The following ZNF407 variants were observed in gnomAD, a reference collection of about 807,000 sequenced individuals.
ZNF407 encodes the protein zinc finger protein 407.
In ZNF407, 17 loss-of-function variants were observed where a neutral mutation model predicts 131.2. The observed-to-expected ratio is 0.13, with a 90% CI of 0.09 to 0.19. The LOEUF (loss-of-function observed/expected upper bound fraction) is 0.19. Among genes scored for constraint, ZNF407 ranks in the 10% least tolerant of loss-of-function variants. The probability of loss-of-function intolerance (pLI) is 1.00; values close to 1 mark genes in which losing one functional copy is unlikely to be tolerated. For synonymous variants in ZNF407, 1,156 were observed against 1,062.0 expected (o/e 1.09, Z -1.72); for missense variants, 2,681 against 2,830.6 (o/e 0.95, Z 1.20).
chr18:74,611,081 A>G (rs1983038693), intron 1 of ZNF407, among the ~76,000 whole-genome samples: 1 of 152,218 alleles, frequency 6.6e-6, no homozygotes, highest in Non-Finnish European at 1.5e-5. Flanking sequence ...CAAACAGGAA[A>G]CTTCCTGAGG....
intron 4 of ZNF407, among the ~76,000 whole-genome samples, chr18:74,871,158 G>A (rs4891198): frequency 5.3e-5 from 8 of 152,206 alleles, no homozygotes; most frequent in African/African-American, 1.7e-4. Flanking sequence ...GTGGCCGGTC[G>A]GCAGTGCTCG....
intron 4 of ZNF407, among the ~76,000 whole-genome samples, chr18:74,821,041 G>A (rs1341572605): frequency 6.6e-6 from 1 of 152,070 alleles, no homozygotes; most frequent in Non-Finnish European, 1.5e-5. Flanking sequence ...AGATTGGGCA[G>A]GGACATCATC....
chr18:74,842,162 T>G (rs921082707), intron 4 of ZNF407, among the ~76,000 whole-genome samples: 9 of 152,180 alleles, frequency 5.9e-5, no homozygotes, highest in African/African-American at 2.2e-4. Context: ...GGCTGTAGGC[T>G]CTTTCAGATC....
intron 8 of ZNF407, among the ~76,000 whole-genome samples, chr18:75,052,123 T>C (rs895556813): frequency 3.9e-5 from 6 of 152,232 alleles, no homozygotes; most frequent in Admixed American, 3.9e-4. Context: ...TACGTGTGCA[T>C]GTCCACGAAG....
chr18:74,975,515 TA>T (rs1289507763), intron 8 of ZNF407, among the ~76,000 whole-genome samples: 3 of 152,204 alleles, frequency 2.0e-5, no homozygotes, highest in African/African-American at 7.2e-5. Flanking sequence ...CTTTGGGGAT[TA>T]AAAAACTAGC....
At chr18:74,773,032 G>T (rs560219141) in intron 3 of ZNF407, among the ~76,000 whole-genome samples, 2 of 152,252 alleles carry the variant, frequency 1.3e-5, no homozygotes, top group African/African-American at 4.8e-5. Flanking sequence ...AATGTTGGAC[G>T]TGCTTTACAA....
In ZNF407 at chr18:74,635,759, C is replaced by A. The variant is rs1487910038; in HGVS notation, c.4687+53C>A. On this transcript the variant is annotated intron_variant, in intron 2 of 8. Transcript: ENST00000299687. This position sits in a 1 kb window ranked among gnomAD's most constrained non-coding sequence, Gnocchi z 4.7. ...AGTGAGGACATGGGGCCATTTGTTC[C>A]CATCCAGATATGCAGCCCTACCTGT... The A allele has an allele frequency of 6.6e-7, 1 of 1,523,088 alleles. No homozygotes were observed. The highest frequency in any genetic ancestry group is 8.8e-7 in the Non-Finnish European group (1 of 1,137,874). The allele number at this position is 1,523,088 out of a possible 1,614,324, so 94.3% of individuals were successfully genotyped here.
chr18:74,623,447 G>A (rs1245683297), intron 1 of ZNF407, among the ~76,000 whole-genome samples: 1 of 152,190 alleles, frequency 6.6e-6, no homozygotes. Flanking sequence ...AGGGAGAAAG[G>A]CAGAGAGAGA....
At chr18:74,818,031 T>A (rs77623704) in intron 4 of ZNF407, among the ~76,000 whole-genome samples, 4,413 of 152,328 alleles carry the variant, frequency 0.029, 195 homozygotes, top group African/African-American at 0.099. Context: ...TTTTGAAGTA[T>A]ACAAAGTAAA....
chr18:74,874,589 C>T (rs1971130684), intron 4 of ZNF407, among the ~76,000 whole-genome samples: 1 of 152,170 alleles, frequency 6.6e-6, no homozygotes, highest in East Asian at 1.9e-4. Flanking sequence ...CGGGACTGTG[C>T]ATCTCCCGTC....
At chr18:74,883,007 G>A (rs556080120) in intron 6 of ZNF407, among the ~76,000 whole-genome samples, 21 of 152,330 alleles carry the variant, frequency 1.4e-4, no homozygotes, top group East Asian at 3.9e-4. Context: ...AGTGCCCATC[G>A]AAGTGGAGAC....
chr18:74,856,633 A>G (rs1487721249), intron 4 of ZNF407, among the ~76,000 whole-genome samples: 1 of 152,144 alleles, frequency 6.6e-6, no homozygotes, highest in Non-Finnish European at 1.5e-5. Flanking sequence ...GCCATTTGCT[A>G]CTATTGCCCT....
At chr18:74,865,303 G>T (rs1352955819) in intron 4 of ZNF407, among the ~76,000 whole-genome samples, 1 of 152,198 alleles carries the variant, frequency 6.6e-6, no homozygotes, top group Non-Finnish European at 1.5e-5. Context: ...GTAAACAGTT[G>T]TGTGGTTTTG....
At chr18:74,836,342 T>A (rs1430427583) in intron 4 of ZNF407, among the ~76,000 whole-genome samples, 1 of 152,186 alleles carries the variant, frequency 6.6e-6, no homozygotes, top group African/African-American at 2.4e-5. Flanking sequence ...AAAATCCCCC[T>A]ACCTTCTGTA....
intron 4 of ZNF407, among the ~76,000 whole-genome samples, chr18:74,862,130 T>C (rs934904573): frequency 6.6e-6 from 1 of 152,276 alleles, no homozygotes; most frequent in African/African-American, 2.4e-5. Context: ...GTTATTAAAA[T>C]CTTCATTTTG....
At chr18:74,794,807 T>C (rs1969889446) in intron 4 of ZNF407, among the ~76,000 whole-genome samples, 1 of 152,144 alleles carries the variant, frequency 6.6e-6, no homozygotes, top group African/African-American at 2.4e-5. Context: ...TTTGGTAGAG[T>C]TGCATACGAT....
intron 3 of ZNF407, among the ~76,000 whole-genome samples, chr18:74,726,595 T>C (rs1968164417): frequency 6.6e-6 from 1 of 152,236 alleles, no homozygotes; most frequent in Non-Finnish European, 1.5e-5. Flanking sequence ...ACATGCCTTG[T>C]TTTGCTACCA....
Position 74,626,148 on chromosome 18 carries a change from G to C in ZNF407, c.-53-4819G>C, listed in dbSNP as rs114921459. Among the ~76,000 whole-genome samples the C allele has an allele frequency of 4.0e-3, 608 of 152,266 alleles. 1 individual carries two copies. Among genetic ancestry groups the C allele is most frequent in the African/African-American group, 0.014 (577 of 41,560 alleles). Reference sequence around the variant, plus strand: ...AAAAAGTATTCAGTGCCATCACTAGGCATCAGGGAAATGGAGATTAAAACC... The same window carrying C: ...AAAAAGTATTCAGTGCCATCACTAGCCATCAGGGAAATGGAGATTAAAACC... On this transcript the variant is annotated intron_variant, in intron 1 of 8. Coordinates refer to ENST00000299687, the MANE Select transcript of ZNF407 (RefSeq NM_017757.3).
chr18:75,010,478 G>A (rs769062758), intron 8 of ZNF407, among the ~76,000 whole-genome samples: 2 of 152,112 alleles, frequency 1.3e-5, no homozygotes, highest in Non-Finnish European at 2.9e-5. Flanking sequence ...GTCACAGGCT[G>A]ATTTTCTGCC....
Sources: allele counts gnomAD v4.1 joint callset (sites outside exome capture counted in the v4.1 genomes callset), GRCh38; gene constraint gnomAD v4.1.1; non-coding constraint Gnocchi (gnomAD v3.1); transcripts MANE v1.5; gene names NCBI Gene and HGNC (gene_info 2026-07-23, HGNC 2026-07-21).